SH3GL1: variants seen among roughly 807,000 people sequenced by gnomAD.
The protein encoded by SH3GL1 is SH3 domain containing GRB2 like 1, endophilin A2, also known as endophilin-A2.
In SH3GL1, 21 loss-of-function variants were observed where a neutral mutation model predicts 48.8. That is an observed-to-expected ratio of 0.43 (90% CI 0.30 to 0.62). The LOEUF is 0.62. Among genes scored for constraint, SH3GL1 ranks in the 20% least tolerant of loss-of-function variants. SH3GL1 has a pLI of 0.11. For synonymous variants in SH3GL1, 282 were observed against 217.5 expected (o/e 1.30, Z -2.61); for missense variants, 454 against 503.0 (o/e 0.90, Z 0.93).
chr19:4,397,361 A>C (rs1973444435), intron 1 of SH3GL1, among the ~76,000 whole-genome samples: 3 of 152,224 alleles, frequency 2.0e-5, no homozygotes, highest in Admixed American at 1.3e-4. Context: ...TGTCCTTTCC[A>C]GGCTTCAAGG....
chr19:4,371,536 T>C (rs1370684798), intron 1 of SH3GL1, among the ~76,000 whole-genome samples: 1 of 152,204 alleles, frequency 6.6e-6, no homozygotes, highest in Non-Finnish European at 1.5e-5. Flanking sequence ...TCTGCTCTGA[T>C]GAATTCACAG....
rs773744604 is a variant in SH3GL1 at position 4,362,731 on chromosome 19, C to A, written c.734G>T (p.Arg245Leu). 5.6e-6 allele frequency: 9 copies of A among 1,613,808 alleles called. No homozygotes were observed. The Admixed American group carries it at 8.3e-5, about 15-fold the overall frequency. ...ELAEKLKRRM[R>L]EASSRPKREY... ...CCGCTTAGGGCGTGAGGAAGCTTCC[C>A]GCATCCTGTGAAGGGAGAGGCGTGA... The change falls in exon 8 of 10, where the codon CGG (arginine) becomes CTG (leucine). Residue 245 changes from arginine (R) to leucine (L), a missense_variant. Around this residue, in one of 2 missense-constraint regions of SH3GL1, gnomAD observed 278 missense variants for 246.8 expected, o/e 1.13. Transcript: ENST00000269886.
At chr19:4,370,964 C>G (rs1352994455) in intron 1 of SH3GL1, among the ~76,000 whole-genome samples, 1 of 152,250 alleles carries the variant, frequency 6.6e-6, no homozygotes, top group Non-Finnish European at 1.5e-5. Flanking sequence ...CCTGCCCACT[C>G]TATGCTCACG....
In SH3GL1 at chr19:4,361,017, G is replaced by T. The variant is rs530829078; in HGVS notation, c.*583C>A. On this transcript the variant is annotated 3_prime_UTR_variant, in exon 10 of 10. Coordinates refer to ENST00000269886, the MANE Select transcript of SH3GL1 (RefSeq NM_003025.4). ...CAAGCTGACAGCAGGCCCGGGAGGC[G>T]GTGAGGCCCTCTGCCCTGGCCTTGA... 1.1e-3 allele frequency: 265 copies of T among 234,174 alleles called. 2 individuals carry two copies. Among genetic ancestry groups the T allele is most frequent in the African/African-American group, 5.3e-3 (240 of 45,452 alleles). The allele number at this position is 234,174 out of a possible 1,614,324, so 14.5% of individuals were successfully genotyped here. A position where few individuals can be genotyped will look rare whatever the true frequency, so the allele number is the denominator to read the frequency against.
In SH3GL1 at chr19:4,363,823, C is replaced by T; in HGVS notation, c.521G>A (p.Arg174Gln). ...RRLDFDYKKK[R>Q]QGKIPDEELR... Reference sequence around the variant, plus strand: ...CTCCTCATCGGGGATCTTGCCCTGCCGCTTCTTCTTGTAGTCAAAGTCCAG... The same window carrying T: ...CTCCTCATCGGGGATCTTGCCCTGCTGCTTCTTCTTGTAGTCAAAGTCCAG... The change falls in exon 6 of 10, where the codon CGG becomes CAG. Residue 174 changes from arginine (R) to glutamine (Q), a missense_variant. Physicochemically the swap from Arg to Gln is conservative, Grantham distance 43. Around this residue, in one of 2 missense-constraint regions of SH3GL1, gnomAD observed 176 missense variants for 256.2 expected, o/e 0.69. Transcript: ENST00000269886. The T allele has an allele frequency of 1.2e-6, 2 of 1,613,558 alleles. No homozygotes were observed. Among genetic ancestry groups the T allele is most frequent in the Non-Finnish European group, 1.7e-6 (2 of 1,180,042 alleles).
At chr19:4,378,562 A>G (rs1487549097) in intron 1 of SH3GL1, among the ~76,000 whole-genome samples, 3 of 152,056 alleles carry the variant, frequency 2.0e-5, no homozygotes, top group South Asian at 4.2e-4. Context: ...TAAAAATACA[A>G]AAATTAGCTG....
intron 4 of SH3GL1, 138 bp from the exon 5 acceptor site, chr19:4,364,359 A>G (rs1972713742): frequency 2.7e-6 from 3 of 1,117,680 alleles, no homozygotes; most frequent in Non-Finnish European, 3.9e-6. Flanking sequence ...GCAGGCCTCA[A>G]ACTGGGCTCA....
At chr19:4,365,207 C>T (rs796557753) in intron 4 of SH3GL1, among the ~76,000 whole-genome samples, 7 of 152,268 alleles carry the variant, frequency 4.6e-5, no homozygotes, top group African/African-American at 1.7e-4. Context: ...TTGCCCTTAA[C>T]AGGTGGAAGG....
rs899825803 is a variant in SH3GL1 at position 4,400,150 on chromosome 19, C to T, written c.45+174G>A. Among the ~76,000 whole-genome samples, 1 of 152,180 alleles carries T rather than the reference C, an allele frequency of 6.6e-6. No homozygotes were observed. The highest frequency in any genetic ancestry group is 1.5e-5 in the Non-Finnish European group (1 of 68,012). The stretch of plus-strand genomic sequence containing the variant: ...TCTGGAGCCCGCATGGCGGGCAGGG[C>T]CTGGGCCACCTCGTCGCCCCCGTCC... On this transcript the variant is annotated intron_variant, in intron 1 of 9. Coordinates refer to ENST00000269886, the MANE Select transcript of SH3GL1 (RefSeq NM_003025.4). The surrounding 1 kb of genome is among the most constrained non-coding windows in gnomAD (Gnocchi z 4.1).
At chr19:4,366,648 C>G in intron 2 of SH3GL1, 75 bp from the exon 3 acceptor site, 2 of 1,365,944 alleles carry the variant, frequency 1.5e-6, no homozygotes, top group Non-Finnish European at 2.1e-6. Context: ...GCTGCTGCAC[C>G]GCCTCCTGCC....
chr19:4,365,964 C>A (rs1315415837), intron 3 of SH3GL1, among the ~76,000 whole-genome samples: 1 of 152,138 alleles, frequency 6.6e-6, no homozygotes, highest in East Asian at 1.9e-4. Context: ...GAGGCCAAGG[C>A]TCCCGGGGTG....
At chr19:4,380,864 T>G (rs1402241119) in intron 1 of SH3GL1, among the ~76,000 whole-genome samples, 3 of 152,114 alleles carry the variant, frequency 2.0e-5, no homozygotes, top group Non-Finnish European at 2.9e-5. Context: ...TTCTGCGAAG[T>G]TGAAGATTAG....
Position 4,361,672 on chromosome 19 carries a change from C to T in SH3GL1, c.1035G>A (p.Glu345=). 1 of 1,612,852 alleles carries T rather than the reference C, an allele frequency of 6.2e-7. No homozygotes were observed. The highest frequency in any genetic ancestry group is 8.5e-7 in the Non-Finnish European group (1 of 1,179,840). The part of the protein sequence containing the change: ...LTNQIDENWY[E]GMLDGQSGFF... ...AGCCCGACTGGCCGTCCAGCATGCC[C>T]TCGTACCAGTTCTCATCGATCTGGT... Residue 345 remains glutamate (E), a synonymous_variant, in exon 10 of 10, where the codon GAG becomes GAA. Coordinates refer to ENST00000269886, the MANE Select transcript of SH3GL1 (RefSeq NM_003025.4).
At chr19:4,375,994 G>A (rs11668448) in intron 1 of SH3GL1, among the ~76,000 whole-genome samples, 68 of 152,308 alleles carry the variant, frequency 4.5e-4, no homozygotes, top group Non-Finnish European at 7.9e-4. Context: ...TCCTCAAAAG[G>A]AGCTGAGGCA....
At chr19:4,384,580 G>A (rs1973200433) in intron 1 of SH3GL1, among the ~76,000 whole-genome samples, 1 of 152,174 alleles carries the variant, frequency 6.6e-6, no homozygotes. Context: ...TACAGCAGAT[G>A]ATCATATTAA....
intron 3 of SH3GL1, among the ~76,000 whole-genome samples, 194 bp from the exon 4 acceptor site, chr19:4,365,819 G>A (rs111356779): frequency 7.2e-5 from 11 of 152,222 alleles, no homozygotes; most frequent in African/African-American, 2.4e-4. Context: ...GGCAGCGGGT[G>A]GAGAGGTGAC....
intron 1 of SH3GL1, among the ~76,000 whole-genome samples, chr19:4,397,230 C>T (rs1167898662): frequency 6.6e-6 from 1 of 152,200 alleles, no homozygotes; most frequent in East Asian, 1.9e-4. Context: ...GAGCACGACT[C>T]AGGACAGAAT....
chr19:4,361,666 C>T lies in SH3GL1; in HGVS notation c.1041G>A (p.Met347Ile), dbSNP rs1011767455. 1 of 1,612,466 alleles carries T rather than the reference C, an allele frequency of 6.2e-7. No homozygotes were observed. Residue 347 changes from methionine to isoleucine, a missense_variant, in exon 10 of 10, where the codon ATG (methionine) becomes ATA (isoleucine). Physicochemically the swap from Met to Ile is conservative, Grantham distance 10. Around this residue, in one of 2 missense-constraint regions of SH3GL1, gnomAD observed 278 missense variants for 246.8 expected, o/e 1.13. Transcript: ENST00000269886. ...NQIDENWYEGMLDGQSGFFPL... is the reference protein window; with the variant it reads ...NQIDENWYEGILDGQSGFFPL... Reference sequence around the variant, plus strand: ...GGAAGAAGCCCGACTGGCCGTCCAGCATGCCCTCGTACCAGTTCTCATCGA... The same window carrying T: ...GGAAGAAGCCCGACTGGCCGTCCAGTATGCCCTCGTACCAGTTCTCATCGA...
chr19:4,386,488 T>TA (rs1005101636), intron 1 of SH3GL1, among the ~76,000 whole-genome samples: 3 of 149,080 alleles, frequency 2.0e-5, no homozygotes, highest in African/African-American at 7.3e-5. Flanking sequence ...TTTTTTTTTT[T>TA]ATTTCTTTTT....
Sources: gnomAD v4.1 joint callset for allele counts (sites outside exome capture counted in the v4.1 genomes callset) on GRCh38, gnomAD v4.1.1 for gene constraint, gnomAD v4.1.1 regional missense constraint, Gnocchi (gnomAD v3.1) non-coding constraint, MANE v1.5 for transcripts, NCBI Gene and HGNC (gene_info 2026-07-23, HGNC 2026-07-21) for gene names.